The following SLC38A4 variants were observed in gnomAD, a reference collection of about 807,000 sequenced individuals.
The protein encoded by SLC38A4 is solute carrier family 38 member 4.
A neutral mutation model predicts 63.1 loss-of-function variants in SLC38A4; 20 were observed. The ratio of observed to expected loss-of-function variants is 0.32; its 90% CI spans 0.22 to 0.46. The LOEUF (loss-of-function observed/expected upper bound fraction) is 0.46, where lower values mean the gene tolerates loss of function less well. Ranked by LOEUF, SLC38A4 falls within the 20% of genes least tolerant of loss-of-function variation. The pLI is 1.00. For missense variants in SLC38A4, 526 were observed against 663.6 expected (o/e 0.79, Z 2.28); for synonymous variants, 230 against 225.5 (o/e 1.02, Z -0.18).
At position 46,769,392 on chromosome 12, in the gene SLC38A4, G is replaced by A. The variant is rs1592173272; in HGVS notation, c.1336C>T (p.Arg446Ter). 1.3e-5 allele frequency: 21 copies of A among 1,613,270 alleles called. No homozygotes were observed. Among genetic ancestry groups the A allele is most frequent in the Admixed American group, 1.7e-5 (1 of 59,928 alleles). ...TSVITLLFPK[R>*]PFSWIRHFLI... ...AAATGTCGTATCCAGCTGAAGGGTC[G>A]TTTGGGAAATAACAGTGTGATCACT... The change falls in exon 15 of 17, where the codon CGA becomes TGA. Residue 446 changes from arginine to a stop codon, truncating the protein, a stop_gained. Transcript: ENST00000266579. LOFTEE classifies it high-confidence loss of function.
chr12:46,818,890 T>G (rs745386021), intron 1 of SLC38A4, among the ~76,000 whole-genome samples: 12 of 151,868 alleles, frequency 7.9e-5, no homozygotes, highest in Non-Finnish European at 1.8e-4. Context: ...GAAAGGACAC[T>G]TCAGACAGGC....
intron 2 of SLC38A4, 136 bp from the exon 3 acceptor site, chr12:46,793,319 C>A: frequency 3.6e-6 from 1 of 275,602 alleles, no homozygotes; most frequent in South Asian, 7.7e-5. Flanking sequence ...ATAAGAAAAT[C>A]CTGAAATGTT....
At chr12:46,795,882 C>T (rs776774615) in intron 2 of SLC38A4, among the ~76,000 whole-genome samples, 5 of 151,540 alleles carry the variant, frequency 3.3e-5, no homozygotes, top group Non-Finnish European at 1.5e-5. Context: ...AGATGTGAGT[C>T]GCTTTTAAAA....
chr12:46,809,442 G>A (rs1432411872), intron 1 of SLC38A4, among the ~76,000 whole-genome samples: 3 of 152,066 alleles, frequency 2.0e-5, no homozygotes, highest in Admixed American at 6.6e-5. Flanking sequence ...CTCCTCAGTA[G>A]AGAAGAGGGC....
upstream of SLC38A4, among the ~76,000 whole-genome samples, chr12:46,830,308 ACAC>A (rs1565682508): frequency 3.3e-5 from 5 of 150,070 alleles, no homozygotes; most frequent in Admixed American, 6.6e-5. Flanking sequence ...TCACACACAC[ACAC>A]ACACACACAC....
At chr12:46,822,691 A>T (rs988574070) in intron 1 of SLC38A4, among the ~76,000 whole-genome samples, 1 of 152,166 alleles carries the variant, frequency 6.6e-6, no homozygotes. Context: ...GACTTCAGAG[A>T]CAGAAGAGTG....
intron 1 of SLC38A4, among the ~76,000 whole-genome samples, chr12:46,805,763 T>C (rs1354536239): frequency 6.6e-6 from 1 of 151,900 alleles, no homozygotes; most frequent in East Asian, 1.9e-4. Context: ...AAATGAAAAA[T>C]ACGTAAGTAG....
intron 1 of SLC38A4, among the ~76,000 whole-genome samples, chr12:46,808,192 C>T (rs1939272811): frequency 6.6e-6 from 1 of 151,958 alleles, no homozygotes. Flanking sequence ...AAATTTGAGA[C>T]CCTCCCAAAT....
rs571923964 is a variant in SLC38A4 at position 46,780,138 on chromosome 12, G to GA, written c.494-109dup. On this transcript the variant is annotated intron_variant, in intron 7 of 16. Transcript: ENST00000266579. ...AGATGAACATCTAATCCCCCAAATG[G>GA]AAAAAAAAGTCATTGTGTATTTGGC... is the stretch of plus-strand genomic sequence containing the variant. 109 of 814,976 alleles carry GA rather than the reference G, an allele frequency of 1.3e-4. 1 individual carries two copies. In the Admixed American group the frequency reaches 1.8e-3, roughly 13 times the overall value. 50.5% of individuals were successfully genotyped at this position (814,976 alleles called of 1,614,324 possible). A position where few individuals can be genotyped will look rare whatever the true frequency, so the allele number is the denominator to read the frequency against.
rs570600416 is a variant in SLC38A4 at position 46,773,957 on chromosome 12, G to C, written c.1299+1092C>G. 4.6e-5 allele frequency among the ~76,000 whole-genome samples: 7 copies of C among 152,102 alleles called. 1 individual carries two copies. Among genetic ancestry groups the C allele is most frequent in the African/African-American group, 1.4e-4 (6 of 41,494 alleles). On this transcript the variant is annotated intron_variant, in intron 14 of 16. Transcript: ENST00000266579. The stretch of plus-strand genomic sequence containing the variant: ...TATCCTTTTCTCAGTGAAGTTGTTT[G>C]CCTGGCAATTTTACCCTATCGTATA...
rs550174304 is a variant in SLC38A4, at chr12:46,776,949, C to T, written c.1129G>A (p.Val377Ile). ...VSNISITGML[V>I]MYLLAALFGY... Reference sequence around the variant, plus strand: ...AAGAGGGCGGCAAGCAGGTACATGACAAGCATCCCCGTGATGGAAATATTT... The same window carrying T: ...AAGAGGGCGGCAAGCAGGTACATGATAAGCATCCCCGTGATGGAAATATTT... The change falls in exon 13 of 17, where the codon GTC becomes ATC. Residue 377 changes from valine (V) to isoleucine (I), a missense_variant. Physicochemically the swap from Val to Ile is conservative, Grantham distance 29. Coordinates refer to ENST00000266579, the MANE Select transcript of SLC38A4 (RefSeq NM_018018.5). 1,868 of 1,612,116 alleles carry T rather than the reference C, an allele frequency of 1.2e-3. 30 individuals are homozygous for T. In the South Asian group the frequency reaches 0.019, roughly 17 times the overall value.
chr12:46,805,695 A>G lies in SLC38A4; in HGVS notation c.-304-1901T>C, dbSNP rs528769410. ...ATTCAGTTAGGCTCATGCTTGTTTC[A>G]TGTACCATAGTAGAAAGAGCTAATC... On this transcript the variant is annotated intron_variant, in intron 1 of 16. Coordinates refer to ENST00000266579, the MANE Select transcript of SLC38A4 (RefSeq NM_018018.5). Among the ~76,000 whole-genome samples, 103 of 152,182 alleles carry G rather than the reference A, an allele frequency of 6.8e-4. 1 individual carries two copies. In the South Asian group the frequency reaches 0.02, roughly 30 times the overall value.
At chr12:46,775,489 T>G (rs1295989716) in intron 13 of SLC38A4, among the ~76,000 whole-genome samples, 1 of 152,036 alleles carries the variant, frequency 6.6e-6, no homozygotes, top group Non-Finnish European at 1.5e-5. Flanking sequence ...GTGCTCTTGT[T>G]GAAGGGGATG....
chr12:46,823,478 A>G (rs997186829), intron 1 of SLC38A4, among the ~76,000 whole-genome samples: 3 of 152,198 alleles, frequency 2.0e-5, no homozygotes, highest in Non-Finnish European at 4.4e-5. Flanking sequence ...ATGTTTCTTC[A>G]TGTTGAGACT....
chr12:46,784,146 C>T (rs1172709433), intron 7 of SLC38A4, among the ~76,000 whole-genome samples: 1 of 151,944 alleles, frequency 6.6e-6, no homozygotes, highest in Non-Finnish European at 1.5e-5. Flanking sequence ...GGCTATGTTC[C>T]CCCAGACAAC....
intron 1 of SLC38A4, among the ~76,000 whole-genome samples, chr12:46,806,251 A>C (rs1939230173): frequency 6.6e-6 from 1 of 152,056 alleles, no homozygotes; most frequent in Non-Finnish European, 1.5e-5. Context: ...AGTGAGAATC[A>C]TTCTGGCTCC....
At chr12:46,773,049 TG>T (rs1394363933) in intron 14 of SLC38A4, among the ~76,000 whole-genome samples, 1 of 152,032 alleles carries the variant, frequency 6.6e-6, no homozygotes, top group Non-Finnish European at 1.5e-5. Flanking sequence ...GAAAAAAAAT[TG>T]AATTTAGCTT....
At chr12:46,812,034 A>G (rs917334956) in intron 1 of SLC38A4, among the ~76,000 whole-genome samples, 1 of 152,048 alleles carries the variant, frequency 6.6e-6, no homozygotes, top group Non-Finnish European at 1.5e-5. Context: ...ACCTAAGTGA[A>G]GATCAATGCT....
At chr12:46,783,273 ATAAAGAT>A (rs1565667049) in intron 7 of SLC38A4, among the ~76,000 whole-genome samples, 5 of 144,840 alleles carry the variant, frequency 3.5e-5, no homozygotes, top group Admixed American at 2.9e-4. Context: ...AGATAGATAG[ATAAAGAT>A]AGATAGATAT....
Sources: allele counts gnomAD v4.1 joint callset (sites outside exome capture counted in the v4.1 genomes callset), GRCh38; gene constraint gnomAD v4.1.1; transcripts MANE v1.5; gene names NCBI Gene and HGNC (gene_info 2026-07-23, HGNC 2026-07-21).